The following SLC4A10 variants were observed in gnomAD, a reference collection of about 807,000 sequenced individuals.
The protein encoded by SLC4A10 is solute carrier family 4 member 10.
Under a neutral mutation model 137.7 loss-of-function variants are expected in SLC4A10, and 42 were observed. That is an observed-to-expected ratio of 0.30 (90% CI 0.24 to 0.39). The LOEUF is 0.39. Ranked by LOEUF, SLC4A10 falls within the 10% of genes least tolerant of loss-of-function variation. The pLI, the probability that SLC4A10 is intolerant of heterozygous loss-of-function variation, is 1.00. For missense variants in SLC4A10, 925 were observed against 1,355.0 expected, an observed-to-expected ratio of 0.68 and a Z score of 4.98; for synonymous variants, 474 against 464.1, an observed-to-expected ratio of 1.02 and a Z score of -0.27.
intron 15 of SLC4A10, 137 bp downstream of exon 15, chr2:161,906,024 T>G: frequency 3.5e-6 from 4 of 1,137,708 alleles, no homozygotes; most frequent in Non-Finnish European, 4.8e-6. Context: ...ACTCTCAGAG[T>G]CGAACAGGAT....
At chr2:161,793,746 G>A (rs1417931538) in intron 2 of SLC4A10, among the ~76,000 whole-genome samples, 1 of 152,116 alleles carries the variant, frequency 6.6e-6, no homozygotes, top group African/African-American at 2.4e-5. Context: ...GGGGCAGGAA[G>A]ATTATGAATA....
At chr2:161,709,203 T>A (rs1405369271) in intron 1 of SLC4A10, among the ~76,000 whole-genome samples, 4 of 151,536 alleles carry the variant, frequency 2.6e-5, no homozygotes, top group African/African-American at 4.8e-5. Flanking sequence ...TATAAATCGA[T>A]CAAACTGATA....
At chr2:161,738,092 C>G (rs190551677) in intron 1 of SLC4A10, among the ~76,000 whole-genome samples, 25 of 152,250 alleles carry the variant, frequency 1.6e-4, no homozygotes, top group African/African-American at 5.5e-4. Flanking sequence ...AAAAATTGTT[C>G]AAACAACCAT....
chr2:161,737,854 C>G (rs572531001), intron 1 of SLC4A10, among the ~76,000 whole-genome samples: 45 of 152,124 alleles, frequency 3.0e-4, no homozygotes, highest in African/African-American at 1.1e-3. Flanking sequence ...TTTTCCCCAC[C>G]TAAACATGCA....
intron 3 of SLC4A10, among the ~76,000 whole-genome samples, chr2:161,814,501 C>G (rs2056864176): frequency 6.6e-6 from 1 of 152,086 alleles, no homozygotes; most frequent in African/African-American, 2.4e-5. Flanking sequence ...TGCTATTCAC[C>G]ATGGCAAAGA....
intron 1 of SLC4A10, among the ~76,000 whole-genome samples, chr2:161,769,244 G>A (rs2051271217): frequency 6.6e-6 from 1 of 151,896 alleles, no homozygotes; most frequent in South Asian, 2.1e-4. Context: ...CTGAGCCAAT[G>A]TTATATTCCT....
At chr2:161,948,316 C>T (rs114564511) in intron 17 of SLC4A10, among the ~76,000 whole-genome samples, 4,349 of 152,166 alleles carry the variant, frequency 0.029, 98 homozygotes, top group African/African-American at 0.062. Context: ...GAGGGATGAG[C>T]TATAGATTAT....
At chr2:161,947,776 G>T in intron 17 of SLC4A10, 49 bp downstream of exon 17, 1 of 1,569,120 alleles carries the variant, frequency 6.4e-7, no homozygotes, top group Admixed American at 1.8e-5. Flanking sequence ...TAGGACAAAA[G>T]AAAGAGTAAT....
intron 2 of SLC4A10, among the ~76,000 whole-genome samples, chr2:161,803,755 A>C (rs913670015): frequency 1.3e-5 from 2 of 152,148 alleles, no homozygotes; most frequent in Non-Finnish European, 2.9e-5. Flanking sequence ...TAAGACCCCC[A>C]AAAGATGCCT....
intron 1 of SLC4A10, among the ~76,000 whole-genome samples, chr2:161,657,843 G>T (rs975695165): frequency 2.0e-5 from 3 of 152,046 alleles, no homozygotes; most frequent in African/African-American, 7.2e-5. Flanking sequence ...ATGGATGAAT[G>T]ATGAGAAGTT....
intron 15 of SLC4A10, among the ~76,000 whole-genome samples, chr2:161,935,272 C>T (rs758506469): frequency 2.0e-5 from 3 of 152,092 alleles, no homozygotes; most frequent in Non-Finnish European, 4.4e-5. Context: ...TGCCATGCTG[C>T]CTTGTAATAC....
At chr2:161,755,840 G>A (rs187439047) in intron 1 of SLC4A10, among the ~76,000 whole-genome samples, 375 of 149,618 alleles carry the variant, frequency 2.5e-3, no homozygotes, top group African/African-American at 8.7e-3. Context: ...GCGCAATCTC[G>A]GCTCACTGCA....
chr2:161,821,017 A>G (rs2057572656), intron 3 of SLC4A10, among the ~76,000 whole-genome samples: 1 of 152,134 alleles, frequency 6.6e-6, no homozygotes. Flanking sequence ...GTTTTAATTT[A>G]TATTTCTTGA....
At chr2:161,834,252 AC>A (rs1377752311) in intron 3 of SLC4A10, among the ~76,000 whole-genome samples, 1 of 152,048 alleles carries the variant, frequency 6.6e-6, no homozygotes, top group Non-Finnish European at 1.5e-5. Flanking sequence ...GCTTGCCAAG[AC>A]CCCCTGCAAT....
chr2:161,698,608 T>C (rs1438752821), intron 1 of SLC4A10, among the ~76,000 whole-genome samples: 1 of 152,192 alleles, frequency 6.6e-6, no homozygotes, highest in African/African-American at 2.4e-5. Context: ...CTGGATTACG[T>C]TTACTGATTT....
chr2:161,832,721 T>G (rs183154642), intron 3 of SLC4A10, among the ~76,000 whole-genome samples: 147 of 151,612 alleles, frequency 9.7e-4, no homozygotes, highest in African/African-American at 3.4e-3. Context: ...ATTTTCTTTT[T>G]TTGTTGTTGT....
rs987641398 is a variant in SLC4A10, at chr2:161,970,583, C to G, written c.3160-3666C>G. 1.3e-4 allele frequency among the ~76,000 whole-genome samples: 20 copies of G among 152,310 alleles called. No homozygotes were observed. In the East Asian group the frequency reaches 3.1e-3, roughly 24 times the overall value. ...TCTAAAATTGCTGAATATTTTCCCT[C>G]TCTAACACTCTAAGCATATTCGTGA... On this transcript the variant is annotated intron_variant, in intron 23 of 26. Coordinates refer to ENST00000446997, the MANE Select transcript of SLC4A10 (RefSeq NM_001178015.2).
At chr2:161,862,288 CA>C (rs1186220983) in intron 5 of SLC4A10, among the ~76,000 whole-genome samples, 1 of 152,132 alleles carries the variant, frequency 6.6e-6, no homozygotes, top group African/African-American at 2.4e-5. Flanking sequence ...CCATATGAAA[CA>C]GAATTGTTTA....
chr2:161,856,259 C>T (rs1490716200), intron 5 of SLC4A10, among the ~76,000 whole-genome samples: 2 of 151,868 alleles, frequency 1.3e-5, no homozygotes, highest in Admixed American at 6.6e-5. Context: ...TTGATTTAGT[C>T]ATTGGTGCTG....
Sources: gnomAD v4.1 joint callset for allele counts (sites outside exome capture counted in the v4.1 genomes callset) on GRCh38, gnomAD v4.1.1 for gene constraint, MANE v1.5 for transcripts, NCBI Gene and HGNC (gene_info 2026-07-23, HGNC 2026-07-21) for gene names.